SLC20A1: variants seen among roughly 807,000 people sequenced by gnomAD.
The protein encoded by SLC20A1 is sodium-dependent phosphate transporter 1.
Under a neutral mutation model 62.7 loss-of-function variants are expected in SLC20A1, and 28 were observed. The ratio of observed to expected loss-of-function variants is 0.45; its 90% confidence interval spans 0.33 to 0.61. SLC20A1 has a LOEUF of 0.61. Ranked by LOEUF, SLC20A1 falls within the 20% of genes least tolerant of loss-of-function variation. The probability of loss-of-function intolerance (pLI) is 0.02; values close to 1 mark genes in which losing one functional copy is unlikely to be tolerated. For missense variants in SLC20A1, 673 were observed against 838.6 expected (o/e 0.80, Z 2.44); for synonymous variants, 305 against 302.9 (o/e 1.01, Z -0.07).
At chr2:112,655,000 G>A (rs1333968677) in intron 5 of SLC20A1, among the ~76,000 whole-genome samples, 2 of 113,254 alleles carry the variant, frequency 1.8e-5, no homozygotes, top group Admixed American at 1.2e-4. Context: ...ACAGAGTCTC[G>A]CCCTGTCACT....
chr2:112,655,780 A>G (rs1574186001), intron 5 of SLC20A1, among the ~76,000 whole-genome samples: 2 of 152,136 alleles, frequency 1.3e-5, no homozygotes, highest in African/African-American at 4.8e-5. Context: ...GCTCACTGCA[A>G]CCTCGACCTC....
rs1198546620 is a variant in SLC20A1 at position 112,659,095 on chromosome 2, G to A, written c.1048+1G>A. ...ACCAGCATAGATAGCACCGTGAATG[G>A]TGAGTTGGAATTCCTGGTTTCACTT... is the stretch of plus-strand genomic sequence containing the variant. On this transcript the variant is annotated splice_donor_variant, in intron 7 of 10. Transcript: ENST00000272542. LOFTEE classifies it high-confidence loss of function. The A allele has an allele frequency of 6.2e-7, 1 of 1,611,236 alleles. No homozygotes were observed. Among genetic ancestry groups the A allele is most frequent in the Non-Finnish European group, 8.5e-7 (1 of 1,178,320 alleles).
chr2:112,646,890 A>C lies in SLC20A1; in HGVS notation c.62A>C (p.Tyr21Ser). 2 of 1,613,866 alleles carry C rather than the reference A, an allele frequency of 1.2e-6. No homozygotes were observed. The highest frequency in any genetic ancestry group is 1.7e-6 in the Non-Finnish European group (2 of 1,179,972). Reference sequence around the variant, plus strand: ...GCCGCTTCTGGTCCTTTGGTGGACTACCTATGGATGCTCATCCTGGGCTTC... The same window carrying C: ...GCCGCTTCTGGTCCTTTGGTGGACTCCCTATGGATGCTCATCCTGGGCTTC... The part of the protein sequence containing the change: ...ATAASGPLVD[Y>S]LWMLILGFII... The change falls in exon 2 of 11, where the codon TAC becomes TCC. Residue 21 changes from tyrosine (Y) to serine (S), a missense_variant. By Grantham distance (144) the Tyr-to-Ser change is moderately radical (BLOSUM62 -2). Transcript: ENST00000272542.
chr2:112,650,447 C>G (rs934099886), intron 4 of SLC20A1, among the ~76,000 whole-genome samples: 1 of 151,960 alleles, frequency 6.6e-6, no homozygotes, highest in African/African-American at 2.4e-5. Context: ...ATTCTCCTGC[C>G]TCAGCCTCCT....
intron 4 of SLC20A1, among the ~76,000 whole-genome samples, chr2:112,650,684 CTT>C (rs1272649556): frequency 6.6e-6 from 1 of 151,522 alleles, no homozygotes; most frequent in Non-Finnish European, 1.5e-5. Context: ...AGTACGGTGA[CTT>C]AATTGTAGCT....
intron 5 of SLC20A1, among the ~76,000 whole-genome samples, chr2:112,655,529 T>C (rs1686560809): frequency 6.6e-6 from 1 of 151,646 alleles, no homozygotes; most frequent in South Asian, 2.1e-4. Flanking sequence ...ATGGGTTTTT[T>C]TTTTTTTTTT....
rs773409353 is a variant in SLC20A1 at position 112,660,395 on chromosome 2, T to C, written c.1616T>C (p.Ile539Thr). The change falls in exon 9 of 11, where the codon ATT (isoleucine) becomes ACT (threonine). Residue 539 changes from isoleucine (I) to threonine (T), a missense_variant. By Grantham distance (89) the Ile-to-Thr change is moderately conservative. Coordinates refer to ENST00000272542, the MANE Select transcript of SLC20A1 (RefSeq NM_005415.5). ...AHGGNDVSNAIGPLVALYLVY... is the reference protein window; with the variant it reads ...AHGGNDVSNATGPLVALYLVY... ...CTCTTTGTTTCTTCCAGCAATGCCA[T>C]TGGGCCTCTGGTTGCTTTATATTTG... 14 of 1,613,804 alleles carry C rather than the reference T, an allele frequency of 8.7e-6. No individual in the cohort carries two copies. Among genetic ancestry groups the C allele is most frequent in the Admixed American group, 1.7e-5 (1 of 59,960 alleles).
Position 112,658,805 on chromosome 2 carries a change from A to T in SLC20A1, c.779-20A>T, listed in dbSNP as rs1173529804. On this transcript the variant is annotated intron_variant, in intron 6 of 10. Coordinates refer to ENST00000272542, the MANE Select transcript of SLC20A1 (RefSeq NM_005415.5). ...TATGGCCACAACCAAACCAAAAAAG[A>T]CCCCCCTTTTTTTTCCTAGGAGAAA... is the stretch of plus-strand genomic sequence containing the variant. The T allele has an allele frequency of 6.3e-6, 10 of 1,580,126 alleles. No homozygotes were observed.
chr2:112,654,509 TAGAC>T (rs1686531150), intron 5 of SLC20A1, among the ~76,000 whole-genome samples: 1 of 152,224 alleles, frequency 6.6e-6, no homozygotes, highest in Non-Finnish European at 1.5e-5. Context: ...TAAATTGTGA[TAGAC>T]AGTAATTTCA....
intron 5 of SLC20A1, among the ~76,000 whole-genome samples, chr2:112,655,409 A>G (rs1174786939): frequency 6.6e-6 from 1 of 152,028 alleles, no homozygotes; most frequent in East Asian, 1.9e-4. Flanking sequence ...ACCTCATTGT[A>G]AGTTGAGGAG....
chr2:112,651,090 A>C (rs934291745), intron 4 of SLC20A1, among the ~76,000 whole-genome samples: 14 of 152,142 alleles, frequency 9.2e-5, no homozygotes, highest in African/African-American at 3.1e-4. Flanking sequence ...CTATTTCACT[A>C]TCTGTTAACA....
chr2:112,662,898 C>G lies in SLC20A1; in HGVS notation c.1913C>G (p.Ser638Cys), dbSNP rs553216163. The change falls in exon 11 of 11, where the codon TCC (serine) becomes TGC (cysteine). Residue 638 changes from serine to cysteine, a missense_variant. By Grantham distance (112) the Ser-to-Cys change is moderately radical (BLOSUM62 -1). Transcript: ENST00000272542. ...GSVVSVGWLR[S>C]KKAVDWRLFR... is the part of the protein sequence containing the mutation. Reference sequence around the variant, plus strand: ...GTTGTGTCTGTTGGCTGGCTCCGGTCCAAGAAGGCTGTTGACTGGCGTCTC... The same window carrying G: ...GTTGTGTCTGTTGGCTGGCTCCGGTGCAAGAAGGCTGTTGACTGGCGTCTC... 6.2e-7 allele frequency: 1 copy of G among 1,614,140 alleles called. No homozygotes were observed. The highest frequency in any genetic ancestry group is 2.2e-5 in the East Asian group (1 of 44,882).
intron 1 of SLC20A1, 83 bp downstream of exon 1, chr2:112,646,212 G>T (rs1686268332): frequency 6.6e-6 from 1 of 152,128 alleles, no homozygotes; most frequent in African/African-American, 2.4e-5. Context: ...GGCGGACGCC[G>T]TGGGCGGCGC....
chr2:112,650,448 T>C (rs1686403931), intron 4 of SLC20A1, among the ~76,000 whole-genome samples: 1 of 151,288 alleles, frequency 6.6e-6, no homozygotes, highest in Non-Finnish European at 1.5e-5. Context: ...TTCTCCTGCC[T>C]CAGCCTCCTG....
chr2:112,655,523 GTTTT>G (rs35686702), intron 5 of SLC20A1, among the ~76,000 whole-genome samples: 12 of 136,192 alleles, frequency 8.8e-5, no homozygotes, highest in East Asian at 2.1e-4. Flanking sequence ...TCTTTTATGG[GTTTT>G]TTTTTTTTTT....
chr2:112,657,816 T>A (rs1686633416), intron 6 of SLC20A1, among the ~76,000 whole-genome samples: 1 of 152,266 alleles, frequency 6.6e-6, no homozygotes, highest in Non-Finnish European at 1.5e-5. Flanking sequence ...GCACAGATTC[T>A]AGAAGTAAAC....
rs1426928099 is a variant in SLC20A1 at position 112,663,498 on chromosome 2, A to G, written c.*473A>G. Reference sequence around the variant, plus strand: ...AACTTCCCTTGTAGTCTCTTATATAAGTAGAGTCCTTGGTACTCTGCCCTC... The same window carrying G: ...AACTTCCCTTGTAGTCTCTTATATAGGTAGAGTCCTTGGTACTCTGCCCTC... On this transcript the variant is annotated 3_prime_UTR_variant, in exon 11 of 11. Coordinates refer to ENST00000272542, the MANE Select transcript of SLC20A1 (RefSeq NM_005415.5). 2 of 288,984 alleles carry G rather than the reference A, an allele frequency of 6.9e-6. No homozygotes were observed. The highest frequency in any genetic ancestry group is 2.3e-5 in the African/African-American group (1 of 44,352). 17.9% of individuals were successfully genotyped at this position (288,984 alleles called of 1,614,324 possible).
At chr2:112,650,166 G>A (rs1050974099) in intron 4 of SLC20A1, among the ~76,000 whole-genome samples, 1 of 152,166 alleles carries the variant, frequency 6.6e-6, no homozygotes, top group South Asian at 2.1e-4. Context: ...ATGCTATACA[G>A]GATAATAAAT....
At chr2:112,653,351 ATGT>A (rs1159069742) in intron 5 of SLC20A1, 1 of 171,822 alleles carries the variant, frequency 5.8e-6, no homozygotes, top group African/African-American at 2.4e-5. Context: ...AAAGGTTGAA[ATGT>A]TGATGACTTT....
Sources: gnomAD v4.1 joint callset for allele counts (sites outside exome capture counted in the v4.1 genomes callset) on GRCh38, gnomAD v4.1.1 for gene constraint, MANE v1.5 for transcripts, NCBI Gene and HGNC (gene_info 2026-07-23, HGNC 2026-07-21) for gene names.